Variants in COL22A1 observed in about 807,000 individuals in gnomAD.
COL22A1 encodes collagen type XXII alpha 1 chain.
In COL22A1, 221 loss-of-function variants were observed where a neutral mutation model predicts 248.9. That is an observed-to-expected ratio of 0.89 (90% CI 0.80 to 0.99). The LOEUF (loss-of-function observed/expected upper bound fraction) is 0.99, where lower values mean the gene tolerates loss of function less well. Ranked by LOEUF, COL22A1 falls within the 50% of genes least tolerant of loss-of-function variation. The pLI is 0.00. For synonymous variants in COL22A1, 891 were observed against 793.4 expected (o/e 1.12, Z -2.07); for missense variants, 2,240 against 2,179.0 (o/e 1.03, Z -0.56).
At chr8:138,616,986 A>G (rs1384682660) in intron 53 of COL22A1, 28 bp from the exon 54 acceptor site, 16 of 1,613,974 alleles carry the variant, frequency 9.9e-6, no homozygotes, top group Non-Finnish European at 1.0e-5. Context: ...GAGTTATTCC[A>G]TGATAGAGCA....
At chr8:138,744,878 G>A (rs1383849559) in intron 22 of COL22A1, among the ~76,000 whole-genome samples, 1 of 152,192 alleles carries the variant, frequency 6.6e-6, no homozygotes, top group Non-Finnish European at 1.5e-5. Flanking sequence ...TGGGTGGGGA[G>A]CACTGCCGTC....
intron 11 of COL22A1, among the ~76,000 whole-genome samples, chr8:138,801,395 GA>G (rs1006641815): frequency 1.3e-5 from 2 of 152,184 alleles, no homozygotes; most frequent in African/African-American, 4.8e-5. Context: ...CACTACGCAT[GA>G]GGGGGCAACA....
At chr8:138,742,836 T>A (rs111162976) in intron 22 of COL22A1, among the ~76,000 whole-genome samples, 1 of 144,724 alleles carries the variant, frequency 6.9e-6, no homozygotes, top group Non-Finnish European at 1.5e-5. Flanking sequence ...ATGATGGTAG[T>A]AGTGATTGTG....
intron 5 of COL22A1, among the ~76,000 whole-genome samples, chr8:138,831,841 T>C (rs138412243): frequency 8.0e-4 from 122 of 152,268 alleles, no homozygotes; most frequent in Middle Eastern, 6.8e-3. Context: ...AACACAATAT[T>C]GTCAGAGGCG....
rs1814416643 is a variant in COL22A1, at chr8:138,775,975, T to G, written c.1794A>C (p.Arg598=). ...TGCAGACTATAAATACCTTTTCTCC[T>G]CGAGTTCCCTTTTCACCTCGTTCTC... ...LQGERGEKGT[R]GEKGERGLDG... is the part of the protein sequence containing the mutation. The change falls in exon 16 of 65, where the codon CGA becomes CGC. Residue 598 remains arginine (R), a synonymous_variant. Transcript: ENST00000303045. 1 of 1,613,400 alleles carries G rather than the reference T, an allele frequency of 6.2e-7. No individual in the cohort carries two copies. The highest frequency in any genetic ancestry group is 1.3e-5 in the African/African-American group (1 of 74,912).
intron 32 of COL22A1, among the ~76,000 whole-genome samples, chr8:138,695,505 C>A (rs1252647491): frequency 6.6e-6 from 1 of 152,048 alleles, no homozygotes; most frequent in Non-Finnish European, 1.5e-5. Context: ...CTGGCTCCAA[C>A]CCCTTTCTAG....
chr8:138,601,992 C>T (rs1206141801), intron 60 of COL22A1, 123 bp downstream of exon 60: 2 of 956,938 alleles, frequency 2.1e-6, no homozygotes, highest in Admixed American at 1.9e-5. Context: ...AAAATCACTA[C>T]AGGCGGCATG....
intron 49 of COL22A1, among the ~76,000 whole-genome samples, chr8:138,631,872 T>C (rs1820748735): frequency 6.6e-6 from 1 of 152,190 alleles, no homozygotes; most frequent in African/African-American, 2.4e-5. Context: ...CATGCTAGTG[T>C]TTATTGATTT....
intron 41 of COL22A1, among the ~76,000 whole-genome samples, chr8:138,669,637 C>T (rs1047288368): frequency 2.6e-5 from 4 of 152,180 alleles, no homozygotes; most frequent in African/African-American, 9.6e-5. Context: ...CTAAACCTCT[C>T]TGAGCCTGAG....
chr8:138,636,664 A>C, intron 48 of COL22A1, 78 bp downstream of exon 48: 1 of 1,017,964 alleles, frequency 9.8e-7, no homozygotes. Flanking sequence ...AAGGAATGAC[A>C]TTGTACAATG....
At chr8:138,595,230 G>A (rs1396322634) in intron 62 of COL22A1, among the ~76,000 whole-genome samples, 1 of 152,126 alleles carries the variant, frequency 6.6e-6, no homozygotes, top group Non-Finnish European at 1.5e-5. Flanking sequence ...AAGGTGGCAG[G>A]AGGACAGGTG....
At chr8:138,683,663 A>G (rs917666946) in intron 39 of COL22A1, among the ~76,000 whole-genome samples, 2 of 152,176 alleles carry the variant, frequency 1.3e-5, no homozygotes, top group Non-Finnish European at 2.9e-5. Context: ...GAAGATTCTG[A>G]AACTAAAGGA....
chr8:138,736,550 G>A (rs1229563206), intron 23 of COL22A1, among the ~76,000 whole-genome samples: 1 of 152,096 alleles, frequency 6.6e-6, no homozygotes, highest in African/African-American at 2.4e-5. Context: ...CCTCATCTAT[G>A]ACATGGGGAC....
At chr8:138,677,034 A>G (rs1358088685) in intron 40 of COL22A1, among the ~76,000 whole-genome samples, 1 of 152,200 alleles carries the variant, frequency 6.6e-6, no homozygotes, top group Admixed American at 6.5e-5. Context: ...CAAATCACCC[A>G]TAAATTAATT....
intron 16 of COL22A1, among the ~76,000 whole-genome samples, chr8:138,772,809 GCCGAGA>G (rs1834492674): frequency 6.6e-6 from 1 of 152,154 alleles, no homozygotes; most frequent in African/African-American, 2.4e-5. Flanking sequence ...GTTGCAGTGA[GCCGAGA>G]TCGCACCACT....
chr8:138,790,937 C>T (rs1374027629), intron 12 of COL22A1, among the ~76,000 whole-genome samples: 1 of 152,174 alleles, frequency 6.6e-6, no homozygotes. Context: ...GCCTAGCCCC[C>T]CAGCACCATG....
intron 56 of COL22A1, among the ~76,000 whole-genome samples, chr8:138,608,376 C>T (rs763894476): frequency 1.3e-5 from 2 of 152,170 alleles, no homozygotes; most frequent in Non-Finnish European, 2.9e-5. Flanking sequence ...TAATTGCTCA[C>T]ACTGCCACAG....
intron 50 of COL22A1, among the ~76,000 whole-genome samples, chr8:138,630,047 T>C (rs896831522): frequency 1.3e-5 from 2 of 152,218 alleles, no homozygotes; most frequent in African/African-American, 2.4e-5. Context: ...TTATGTACCA[T>C]ATATTCATTT....
At chr8:138,726,272 A>C (rs138965921) in intron 23 of COL22A1, among the ~76,000 whole-genome samples, 1 of 152,030 alleles carries the variant, frequency 6.6e-6, no homozygotes, top group Non-Finnish European at 1.5e-5. Context: ...CAAAAGGATC[A>C]CTACAGGCCA....
Sources: allele counts gnomAD v4.1 joint callset (sites outside exome capture counted in the v4.1 genomes callset), GRCh38; gene constraint gnomAD v4.1.1; transcripts MANE v1.5; gene names NCBI Gene and HGNC (gene_info 2026-07-23, HGNC 2026-07-21).